The following MAP2 variants were observed in gnomAD, a reference collection of about 807,000 sequenced individuals.
MAP2 encodes microtubule-associated protein 2.
MAP2 carries 14 observed loss-of-function variants against 137.6 expected under a neutral mutation model. That is an observed-to-expected ratio of 0.10 (90% confidence interval 0.07 to 0.16). The LOEUF is 0.16. Among genes scored for constraint, MAP2 ranks in the 10% least tolerant of loss-of-function variants. MAP2 has a pLI of 1.00. For missense variants in MAP2, 2,088 were observed against 2,191.5 expected, an observed-to-expected ratio of 0.95 and a Z score of 0.94; for synonymous variants, 786 against 782.3, an observed-to-expected ratio of 1.00 and a Z score of -0.08.
At chr2:209,556,662 T>TAAAAAAAAAAAAAAAAAAAAAAAA (rs111264428) in intron 2 of MAP2, among the ~76,000 whole-genome samples, 1 of 108,490 alleles carries the variant, frequency 9.2e-6, no homozygotes, top group African/African-American at 3.3e-5. Flanking sequence ...TCTGGCCTAT[T>TAAAAAAAAAAAAAAAAAAAAAAAA]AAAAAAAAAA....
intron 1 of MAP2, among the ~76,000 whole-genome samples, chr2:209,474,729 G>A (rs1373568471): frequency 6.6e-6 from 1 of 151,936 alleles, no homozygotes; most frequent in Non-Finnish European, 1.5e-5. Flanking sequence ...CTCGAAATGG[G>A]TGATTTTCAG....
chr2:209,485,100 C>T (rs2058212953), intron 1 of MAP2, among the ~76,000 whole-genome samples: 2 of 152,214 alleles, frequency 1.3e-5, no homozygotes, highest in Admixed American at 1.3e-4. Flanking sequence ...AGTTTCTTTG[C>T]TGTGGCACTA....
At chr2:209,609,933 G>A (rs190658047) in intron 3 of MAP2, among the ~76,000 whole-genome samples, 8 of 152,080 alleles carry the variant, frequency 5.3e-5, no homozygotes, top group East Asian at 3.9e-4. Flanking sequence ...TTTCATATGC[G>A]TAATACATAC....
At chr2:209,617,475 G>A (rs182723761) in intron 3 of MAP2, among the ~76,000 whole-genome samples, 2 of 152,206 alleles carry the variant, frequency 1.3e-5, no homozygotes, top group African/African-American at 4.8e-5. Context: ...AAGGGTGGGG[G>A]ATTCTCTCTA....
chr2:209,670,489 A>G (rs551861060), intron 5 of MAP2, among the ~76,000 whole-genome samples: 1 of 152,046 alleles, frequency 6.6e-6, no homozygotes, highest in South Asian at 2.1e-4. Context: ...CTTTGACTCC[A>G]TAATGTAGTG....
intron 4 of MAP2, among the ~76,000 whole-genome samples, chr2:209,651,896 C>G (rs1325296126): frequency 6.6e-6 from 1 of 152,150 alleles, no homozygotes; most frequent in Non-Finnish European, 1.5e-5. Flanking sequence ...GGAAAACTTA[C>G]TTTATTTATA....
intron 3 of MAP2, among the ~76,000 whole-genome samples, chr2:209,600,273 C>A (rs765751441): frequency 1.6e-4 from 24 of 152,284 alleles, no homozygotes; most frequent in Admixed American, 2.6e-4. Context: ...ACCAGAAAGG[C>A]CTGGAAATTA....
At chr2:209,604,278 C>A (rs1222983363) in intron 3 of MAP2, among the ~76,000 whole-genome samples, 1 of 152,168 alleles carries the variant, frequency 6.6e-6, no homozygotes, top group Non-Finnish European at 1.5e-5. Flanking sequence ...ACCCTTGAAA[C>A]AAGAATGCCA....
In MAP2 at chr2:209,696,011, A is replaced by G. The variant is rs768267158; in HGVS notation, c.3841A>G (p.Ile1281Val). 1 of 1,614,096 alleles carries G rather than the reference A, an allele frequency of 6.2e-7. No homozygotes were observed. The change falls in exon 8 of 16, where the codon ATT (isoleucine) becomes GTT (valine). Residue 1281 changes from isoleucine to valine, a missense_variant. Ile to Val is a conservative substitution (Grantham distance 29). Coordinates refer to ENST00000682079, the MANE Select transcript of MAP2 (RefSeq NM_001375505.1). ...CTGCCCAAGTGAACACAAAGGAGTG[A>G]TTGAGTCTGTTGTGACCATCGAGGA... is the stretch of plus-strand genomic sequence containing the variant. ...ETCPSEHKGV[I>V]ESVVTIEDDF... is the part of the protein sequence containing the mutation.
chr2:209,453,643 T>A lies in MAP2; in HGVS notation c.-222+29367T>A, dbSNP rs138426877. ...ATTTTATCCTTCCAAATAAAAAGAT[T>A]ACATAATATTCTGTTAGTAACTAAA... On this transcript the variant is annotated intron_variant, in intron 1 of 15. Transcript: ENST00000682079. 3.9e-5 allele frequency among the ~76,000 whole-genome samples: 6 copies of A among 152,360 alleles called. No individual in the cohort carries two copies. In the South Asian group the frequency reaches 1.2e-3, roughly 32 times the overall value.
At chr2:209,673,998 G>A (rs1583059979) in intron 5 of MAP2, among the ~76,000 whole-genome samples, 1 of 151,846 alleles carries the variant, frequency 6.6e-6, no homozygotes, top group East Asian at 1.9e-4. Flanking sequence ...CTTGCTGGAT[G>A]GAATCTTGAG....
At chr2:209,583,766 A>G (rs970706892) in intron 3 of MAP2, among the ~76,000 whole-genome samples, 3 of 20,964 alleles carry the variant, frequency 1.4e-4, no homozygotes, top group Non-Finnish European at 2.4e-4. Flanking sequence ...AGAGACATAA[A>G]TGATTTTTTT....
At chr2:209,547,137 T>C (rs2068235159) in intron 2 of MAP2, among the ~76,000 whole-genome samples, 1 of 152,096 alleles carries the variant, frequency 6.6e-6, no homozygotes, top group Admixed American at 6.6e-5. Flanking sequence ...ATGCGTCCCC[T>C]AAAATACTCT....
At chr2:209,546,115 C>A (rs1249221952) in intron 2 of MAP2, among the ~76,000 whole-genome samples, 1 of 152,078 alleles carries the variant, frequency 6.6e-6, no homozygotes, top group Non-Finnish European at 1.5e-5. Context: ...TGCACTCCAG[C>A]CTGGGCAACA....
intron 3 of MAP2, among the ~76,000 whole-genome samples, chr2:209,597,604 C>T (rs867688871): frequency 2.0e-5 from 3 of 152,186 alleles, no homozygotes; most frequent in Non-Finnish European, 2.9e-5. Flanking sequence ...TGTGGTTAAA[C>T]CTTTCAATGC....
chr2:209,647,090 C>A (rs938553360), intron 4 of MAP2, among the ~76,000 whole-genome samples: 6 of 152,108 alleles, frequency 3.9e-5, no homozygotes, highest in Admixed American at 6.6e-5. Flanking sequence ...CCTCACATGA[C>A]CAGAGCAGGA....
At chr2:209,669,801 A>G (rs1030038320) in intron 5 of MAP2, among the ~76,000 whole-genome samples, 1 of 151,870 alleles carries the variant, frequency 6.6e-6, no homozygotes, top group African/African-American at 2.4e-5. Context: ...GCACACACAC[A>G]CACACAAAAT....
At chr2:209,668,345 A>C (rs776042133) in intron 5 of MAP2, among the ~76,000 whole-genome samples, 2 of 152,004 alleles carry the variant, frequency 1.3e-5, no homozygotes, top group Non-Finnish European at 2.9e-5. Flanking sequence ...TCAATGTAAA[A>C]TTTTATTTCA....
intron 3 of MAP2, among the ~76,000 whole-genome samples, chr2:209,596,807 G>A (rs1317190742): frequency 6.6e-6 from 1 of 152,116 alleles, no homozygotes. Context: ...ATATTCTGTT[G>A]TTGCAAAAAG....
Sources: allele counts gnomAD v4.1 joint callset (sites outside exome capture counted in the v4.1 genomes callset), GRCh38; gene constraint gnomAD v4.1.1; transcripts MANE v1.5; gene names NCBI Gene and HGNC (gene_info 2026-07-23, HGNC 2026-07-21).